The following LGSN variants were observed in gnomAD, a reference collection of about 807,000 sequenced individuals.
LGSN encodes lengsin.
Under a neutral mutation model 19.5 loss-of-function variants are expected in LGSN, and 21 were observed. That is an observed-to-expected ratio of 1.07 (90% CI 0.76 to 1.55). LGSN has a LOEUF of 1.55. LGSN is among the 40% of genes most tolerant of loss of function. LGSN has a pLI of 0.00. For missense variants in LGSN, 673 were observed against 608.5 expected, an observed-to-expected ratio of 1.11 and a Z score of -1.12; for synonymous variants, 257 against 215.6, an observed-to-expected ratio of 1.19 and a Z score of -1.68.
At chr6:63,513,772 G>A in the LGSN span, among the ~76,000 whole-genome samples, 1 of 151,912 alleles carries the variant, frequency 6.6e-6, no homozygotes, top group Non-Finnish European at 1.5e-5. Context: ...TTAGCTGGGT[G>A]TGGAGGCGGG....
At chr6:63,440,972 CGAG>C in the LGSN span, 2 of 157,378 alleles carry the variant, frequency 1.3e-5, no homozygotes, top group East Asian at 3.8e-4. Context: ...TTTGAGAGGC[CGAG>C]GAGGACGGAT....
the LGSN span, among the ~76,000 whole-genome samples, chr6:63,436,333 C>T: frequency 2.0e-5 from 3 of 152,144 alleles, no homozygotes; most frequent in African/African-American, 7.2e-5. Context: ...ATCTCCTGAC[C>T]TCAGGTGATC....
At chr6:63,485,767 C>T in the LGSN span, among the ~76,000 whole-genome samples, 1 of 152,082 alleles carries the variant, frequency 6.6e-6, no homozygotes, top group Admixed American at 6.6e-5. Flanking sequence ...CTCACTCTGT[C>T]GCCTAGGCTG....
chr6:63,399,051 T>C, the LGSN span, among the ~76,000 whole-genome samples: 2 of 152,174 alleles, frequency 1.3e-5, no homozygotes, highest in Non-Finnish European at 2.9e-5. Context: ...CAGTGGTCCT[T>C]CTGCCTCGGA....
the LGSN span, among the ~76,000 whole-genome samples, chr6:63,331,769 G>C: frequency 6.6e-6 from 1 of 152,292 alleles, no homozygotes; most frequent in African/African-American, 2.4e-5. Context: ...GTCAGATTTA[G>C]TGGCCCTTAC....
the LGSN span, among the ~76,000 whole-genome samples, chr6:63,458,914 G>A: frequency 5.9e-5 from 9 of 152,136 alleles, no homozygotes; most frequent in African/African-American, 2.2e-4. Flanking sequence ...GACAAATTAG[G>A]CTCAGTTTTT....
chr6:63,420,836 G>GT, the LGSN span, among the ~76,000 whole-genome samples: 1 of 152,028 alleles, frequency 6.6e-6, no homozygotes, highest in African/African-American at 2.4e-5. Flanking sequence ...TAAAGCAGTT[G>GT]TCATAAAAAT....
At position 63,285,123 on chromosome 6, in the gene LGSN, C is replaced by A. The variant is rs192151846; in HGVS notation, c.330+464G>T. Among the ~76,000 whole-genome samples the A allele has an allele frequency of 3.1e-4, 47 of 152,266 alleles. 1 individual carries two copies. Among genetic ancestry groups the A allele is most frequent in the Admixed American group, 2.3e-3 (35 of 15,292 alleles). On this transcript the variant is annotated intron_variant, in intron 3 of 3. Coordinates refer to ENST00000370657, the MANE Select transcript of LGSN (RefSeq NM_016571.3). Reference sequence around the variant, plus strand: ...TAATAATATTCATTAAGTCATCCAACAACAATGGAATATTTTCTTATCAGA... The same window carrying A: ...TAATAATATTCATTAAGTCATCCAAAAACAATGGAATATTTTCTTATCAGA...
chr6:63,407,910 G>T, the LGSN span, among the ~76,000 whole-genome samples: 1 of 152,164 alleles, frequency 6.6e-6, no homozygotes, highest in African/African-American at 2.4e-5. Flanking sequence ...GCCAAATCAT[G>T]AGTGAACTCC....
the LGSN span, among the ~76,000 whole-genome samples, chr6:63,521,115 G>A: frequency 1.3e-5 from 2 of 152,010 alleles, no homozygotes; most frequent in African/African-American, 2.4e-5. Flanking sequence ...GAGAGCATGC[G>A]GGGCTTAAAA....
chr6:63,356,975 T>TC, the LGSN span, among the ~76,000 whole-genome samples: 13 of 83,046 alleles, frequency 1.6e-4, no homozygotes, highest in Non-Finnish European at 1.9e-4. Flanking sequence ...ATGCCATCCC[T>TC]CCCCCCTCCC....
chr6:63,400,711 C>A, the LGSN span, among the ~76,000 whole-genome samples: 1 of 152,110 alleles, frequency 6.6e-6, no homozygotes, highest in African/African-American at 2.4e-5. Context: ...ACATAAATTT[C>A]GGCCGGGCGT....
chr6:63,383,409 T>C, the LGSN span, among the ~76,000 whole-genome samples: 3 of 144,998 alleles, frequency 2.1e-5, no homozygotes, highest in South Asian at 4.4e-4. Context: ...CACACACTCT[T>C]GCATGCACAT....
At chr6:63,464,459 C>T in the LGSN span, among the ~76,000 whole-genome samples, 8 of 150,986 alleles carry the variant, frequency 5.3e-5, no homozygotes, top group Non-Finnish European at 1.2e-4. Flanking sequence ...ATGTTCTAAG[C>T]ATTGACAGTA....
chr6:63,457,643 C>G, the LGSN span, among the ~76,000 whole-genome samples: 2 of 152,096 alleles, frequency 1.3e-5, no homozygotes, highest in African/African-American at 4.8e-5. Context: ...TTTGGGAGGC[C>G]GAGGCAGGCA....
At chr6:63,424,981 GA>G in the LGSN span, among the ~76,000 whole-genome samples, 71,946 of 151,928 alleles carry the variant, frequency 0.47, 18,294 homozygotes, top group Non-Finnish European at 0.54. Context: ...ATGGATAAAA[GA>G]CATAAGACAT....
At chr6:63,412,390 TGAAAGAAG>T in the LGSN span, among the ~76,000 whole-genome samples, 3 of 59,154 alleles carry the variant, frequency 5.1e-5, no homozygotes, top group Non-Finnish European at 1.0e-4. Flanking sequence ...GAAAGAGAGA[TGAAAGAAG>T]GAAAGAAAGA....
the LGSN span, among the ~76,000 whole-genome samples, chr6:63,422,606 A>T: frequency 6.6e-6 from 1 of 152,188 alleles, no homozygotes; most frequent in Non-Finnish European, 1.5e-5. Context: ...TAGTAGACTG[A>T]GATAAGTTAT....
intron 1 of LGSN, among the ~76,000 whole-genome samples, chr6:63,309,155 G>A (rs923013349): frequency 6.6e-6 from 1 of 152,138 alleles, no homozygotes; most frequent in African/African-American, 2.4e-5. Context: ...GCTTCTGGCC[G>A]GGCGCGGTGG....
Sources: allele counts gnomAD v4.1 joint callset (sites outside exome capture counted in the v4.1 genomes callset), GRCh38; gene constraint gnomAD v4.1.1; transcripts MANE v1.5; gene names NCBI Gene and HGNC (gene_info 2026-07-23, HGNC 2026-07-21).